Variants in COL22A1 observed in about 807,000 individuals in gnomAD.
COL22A1 encodes collagen alpha-1(XXII) chain.
In COL22A1, 221 loss-of-function variants were observed where a neutral mutation model predicts 248.9. The ratio of observed to expected loss-of-function variants is 0.89; its 90% CI spans 0.80 to 0.99. The LOEUF is 0.99. COL22A1 is among the 50% of genes least tolerant of loss of function. The probability of loss-of-function intolerance (pLI) is 0.00; values close to 1 mark genes in which losing one functional copy is unlikely to be tolerated. For missense variants in COL22A1, 2,240 were observed against 2,179.0 expected (o/e 1.03, Z -0.56); for synonymous variants, 891 against 793.4 (o/e 1.12, Z -2.07).
intron 25 of COL22A1, among the ~76,000 whole-genome samples, chr8:138,723,831 CT>C (rs1830092382): frequency 6.6e-6 from 1 of 152,176 alleles, no homozygotes; most frequent in Non-Finnish European, 1.5e-5. Flanking sequence ...CACAGGCCCC[CT>C]GGGCGCCTTG....
chr8:138,724,906 G>A (rs1830182797), intron 24 of COL22A1, among the ~76,000 whole-genome samples: 1 of 152,212 alleles, frequency 6.6e-6, no homozygotes, highest in African/African-American at 2.4e-5. Flanking sequence ...CACCTGCCGG[G>A]ACAGAGGGAG....
At chr8:138,828,762 A>G (rs1819795517) in intron 5 of COL22A1, among the ~76,000 whole-genome samples, 1 of 152,050 alleles carries the variant, frequency 6.6e-6, no homozygotes, top group Non-Finnish European at 1.5e-5. Context: ...AAAAAAAAAA[A>G]AGGTATTTTG....
intron 62 of COL22A1, 58 bp downstream of exon 62, chr8:138,596,846 G>A: frequency 6.6e-7 from 1 of 1,505,106 alleles, no homozygotes; most frequent in African/African-American, 1.4e-5. Flanking sequence ...AAGGCTGAGT[G>A]AGAGAACTGC....
chr8:138,721,622 C>A (rs1217951322), intron 26 of COL22A1, among the ~76,000 whole-genome samples: 1 of 151,944 alleles, frequency 6.6e-6, no homozygotes, highest in Non-Finnish European at 1.5e-5. Flanking sequence ...TGAGACAGGT[C>A]TCTCTCTGTT....
chr8:138,889,889 T>C (rs2132104905), intron 1 of COL22A1, among the ~76,000 whole-genome samples: 1 of 152,300 alleles, frequency 6.6e-6, no homozygotes, highest in South Asian at 2.1e-4. Flanking sequence ...TCCAAGTTTT[T>C]AGAGAAATCT....
intron 15 of COL22A1, 26 bp from the exon 16 acceptor site, chr8:138,776,036 C>G: frequency 6.2e-7 from 1 of 1,613,208 alleles, no homozygotes; most frequent in Non-Finnish European, 8.5e-7. Flanking sequence ...AGAGCAGTGA[C>G]CCAACATCTT....
At chr8:138,911,340 A>G (rs1351231023) in intron 1 of COL22A1, among the ~76,000 whole-genome samples, 1 of 152,218 alleles carries the variant, frequency 6.6e-6, no homozygotes, top group African/African-American at 2.4e-5. Flanking sequence ...AGACCTTTCT[A>G]TGGTAGTATC....
rs559109983 is a variant in COL22A1 at position 138,812,875 on chromosome 8, C to A, written c.1326+64G>T. ...ACCACCCAACCCTAAGCTCTGGATT[C>A]CCCTTCCCTCTGGAGGCCACACACC... On this transcript the variant is annotated intron_variant, in intron 8 of 64. Transcript: ENST00000303045. The A allele has an allele frequency of 4.9e-6, 6 of 1,234,670 alleles. No individual in the cohort carries two copies. In the East Asian group the frequency reaches 7.0e-5, roughly 14 times the overall value. 76.5% of individuals were successfully genotyped at this position (1,234,670 alleles called of 1,614,324 possible).
intron 2 of COL22A1, among the ~76,000 whole-genome samples, chr8:138,881,091 T>C (rs931656187): frequency 3.9e-5 from 6 of 152,314 alleles, no homozygotes; most frequent in African/African-American, 1.4e-4. Context: ...GTGAGTGCTC[T>C]TTTGGGGCCC....
chr8:138,902,737 T>TACACACACAC lies in COL22A1; in HGVS notation c.-73+10881_-73+10882insGTGTGTGTGT, dbSNP rs777413704. 7.2e-3 allele frequency among the ~76,000 whole-genome samples: 769 copies of TACACACACAC among 107,016 alleles called. 4 individuals carry two copies. The highest frequency in any genetic ancestry group is 8.6e-3 in the African/African-American group (229 of 26,512). 70.2% of individuals were successfully genotyped at this position (107,016 alleles called of 152,430 possible). ...AAAAAAATTTATAAATATATATATA[T>TACACACACAC]ATACACACACACACACACACACACA... On this transcript the variant is annotated intron_variant, in intron 1 of 64. Transcript: ENST00000303045.
chr8:138,912,718 CCA>C (rs1307501386), intron 1 of COL22A1, among the ~76,000 whole-genome samples: 1 of 151,562 alleles, frequency 6.6e-6, no homozygotes, highest in African/African-American at 2.4e-5. Flanking sequence ...CCATTGTACT[CCA>C]GCCTGGGAAA....
chr8:138,637,801 C>T (rs931584536), intron 47 of COL22A1, among the ~76,000 whole-genome samples: 3 of 151,110 alleles, frequency 2.0e-5, no homozygotes, highest in African/African-American at 7.3e-5. Context: ...TCATCATTCT[C>T]ATTGTCAGTA....
intron 53 of COL22A1, among the ~76,000 whole-genome samples, chr8:138,619,172 C>T (rs950000497): frequency 6.6e-5 from 10 of 152,242 alleles, no homozygotes; most frequent in African/African-American, 1.7e-4. Context: ...TTCATTTTTA[C>T]GTTCTATTAT....
chr8:138,722,340 G>T, intron 25 of COL22A1: 3 of 521,528 alleles, frequency 5.8e-6, no homozygotes, highest in Non-Finnish European at 1.0e-5. Flanking sequence ...GCCATGCATG[G>T]AGGGTGGGGG....
intron 16 of COL22A1, among the ~76,000 whole-genome samples, chr8:138,763,113 G>A (rs137883016): frequency 0.014 from 2,123 of 152,254 alleles, 24 homozygotes; most frequent in Middle Eastern, 0.085. Context: ...AAGCCTGGGC[G>A]TGGTGGCTCA....
intron 4 of COL22A1, among the ~76,000 whole-genome samples, chr8:138,834,849 C>T: frequency 6.6e-6 from 1 of 152,122 alleles, no homozygotes; most frequent in South Asian, 2.1e-4. Context: ...TGAGAGCTTC[C>T]AATATGCCAA....
intron 12 of COL22A1, among the ~76,000 whole-genome samples, chr8:138,782,507 G>A (rs1043485257): frequency 4.6e-5 from 7 of 152,212 alleles, no homozygotes; most frequent in African/African-American, 1.4e-4. Context: ...GTAATTCCAA[G>A]TCTAGGCATG....
At chr8:138,739,673 G>A (rs1302918226) in intron 22 of COL22A1, among the ~76,000 whole-genome samples, 3 of 152,154 alleles carry the variant, frequency 2.0e-5, no homozygotes. Context: ...AGACATTTGT[G>A]GGCTGAATAA....
intron 1 of COL22A1, among the ~76,000 whole-genome samples, chr8:138,886,588 C>G (rs1221346439): frequency 1.3e-5 from 2 of 152,308 alleles, no homozygotes; most frequent in Non-Finnish European, 2.9e-5. Context: ...CTAGGACTTA[C>G]TAGCTCCCAA....
Sources: gnomAD v4.1 joint callset for allele counts (sites outside exome capture counted in the v4.1 genomes callset) on GRCh38, gnomAD v4.1.1 for gene constraint, MANE v1.5 for transcripts, NCBI Gene and HGNC (gene_info 2026-07-23, HGNC 2026-07-21) for gene names.